GDAP2: variants seen among roughly 807,000 people sequenced by gnomAD.
GDAP2 encodes the protein ganglioside induced differentiation associated protein 2, also known as ganglioside-induced differentiation-associated protein 2.
GDAP2 carries 51 observed loss-of-function variants against 67.0 expected under a neutral mutation model. The observed-to-expected ratio is 0.76, with a 90% CI of 0.61 to 0.96. The LOEUF is 0.96. Among genes scored for constraint, GDAP2 ranks in the 40% least tolerant of loss-of-function variants. The pLI, the probability that GDAP2 is intolerant of heterozygous loss-of-function variation, is 0.00. For synonymous variants in GDAP2, 203 were observed against 207.3 expected, an observed-to-expected ratio of 0.98 and a Z score of 0.18; for missense variants, 547 against 588.3, an observed-to-expected ratio of 0.93 and a Z score of 0.73.
At chr1:117,907,788 C>A (rs1191367764) in intron 5 of GDAP2, among the ~76,000 whole-genome samples, 1 of 152,176 alleles carries the variant, frequency 6.6e-6, no homozygotes, top group Admixed American at 6.6e-5. Context: ...TACATACTCA[C>A]TGTTGCCTGA....
chr1:117,908,314 T>A (rs1056149485), intron 5 of GDAP2, among the ~76,000 whole-genome samples: 3 of 152,118 alleles, frequency 2.0e-5, no homozygotes, highest in Admixed American at 6.6e-5. Flanking sequence ...TGATATGCAA[T>A]CATTCAAAAG....
chr1:117,910,300 G>A (rs1276352906), intron 5 of GDAP2, among the ~76,000 whole-genome samples: 1 of 152,074 alleles, frequency 6.6e-6, no homozygotes. Context: ...ACACAGGGTT[G>A]TTAAGTAAAG....
intron 1 of GDAP2, among the ~76,000 whole-genome samples, chr1:117,928,421 T>C (rs1364011166): frequency 6.6e-6 from 1 of 152,188 alleles, no homozygotes; most frequent in African/African-American, 2.4e-5. Context: ...CTTCTCCCCA[T>C]AATAATATAA....
At chr1:117,901,334 C>T (rs764144349) in intron 6 of GDAP2, among the ~76,000 whole-genome samples, 1 of 152,162 alleles carries the variant, frequency 6.6e-6, no homozygotes, top group Non-Finnish European at 1.5e-5. Context: ...TATTTGTGTA[C>T]AAGTTTTTGT....
chr1:117,918,479 T>A, intron 3 of GDAP2, 118 bp downstream of exon 3: 1 of 699,536 alleles, frequency 1.4e-6, no homozygotes, highest in East Asian at 2.7e-5. Context: ...TATTTAGTTT[T>A]AACAAAAGAA....
Position 117,920,227 on chromosome 1 carries a change from G to T in GDAP2, c.131C>A (p.Ser44Ter). 6.2e-7 allele frequency: 1 copy of T among 1,608,504 alleles called. No individual in the cohort carries two copies. The highest frequency in any genetic ancestry group is 1.1e-5 in the South Asian group (1 of 90,430). Reference protein sequence around the residue: ...AEIFQEDTVRSPFLYNKDVNG... With the variant: ...AEIFQEDTVR Reference sequence around the variant, plus strand: ...GACGTCCTTATTATAAAGAAAAGGTGATCGAACAGTGTCTTCCTGAAATAT... The same window carrying T: ...GACGTCCTTATTATAAAGAAAAGGTTATCGAACAGTGTCTTCCTGAAATAT... The change falls in exon 2 of 14, where the codon TCA becomes TAA. Residue 44 changes from serine (S) to a stop codon, truncating the protein, a stop_gained. Transcript: ENST00000369443. LOFTEE classifies it high-confidence loss of function.
rs1648212941 is a variant in GDAP2, at chr1:117,870,334, T to TGAAC, written c.*231_*234dup. 1 of 508,988 alleles carries TGAAC rather than the reference T, an allele frequency of 2.0e-6. No homozygotes were observed. Among genetic ancestry groups the TGAAC allele is most frequent in the Non-Finnish European group, 3.4e-6 (1 of 290,194 alleles). The allele number at this position is 508,988 out of a possible 1,614,324, so 31.5% of individuals were successfully genotyped here. A position where few individuals can be genotyped will look rare whatever the true frequency, so the allele number is the denominator to read the frequency against. On this transcript the variant is annotated 3_prime_UTR_variant, in exon 14 of 14. Coordinates refer to ENST00000369443, the MANE Select transcript of GDAP2 (RefSeq NM_017686.4). ...CCAATTTCTATTAACAATCTAAAAATGAACATTTCCATTTCATATAAATAT... is the reference window on the plus strand; with the variant it reads ...CCAATTTCTATTAACAATCTAAAAATGAACGAACATTTCCATTTCATATAAATAT...
chr1:117,928,159 G>T (rs886814121), intron 1 of GDAP2, among the ~76,000 whole-genome samples: 1 of 152,032 alleles, frequency 6.6e-6, no homozygotes, highest in Non-Finnish European at 1.5e-5. Context: ...AACTCAAAAT[G>T]GAACCAGGCA....
chr1:117,870,243 T>TCGG lies in GDAP2; in HGVS notation c.*325_*326insCCG. The stretch of plus-strand genomic sequence containing the variant: ...TGTTAGAGAGATGATGTGAACAGTC[T>TCGG]TGGTGGTTTATCTAATGGAGAATTC... On this transcript the variant is annotated 3_prime_UTR_variant, in exon 14 of 14. Transcript: ENST00000369443. 1 of 356,600 alleles carries TCGG rather than the reference T, an allele frequency of 2.8e-6. No homozygotes were observed. The highest frequency in any genetic ancestry group is 3.1e-5 in the South Asian group (1 of 32,606). 22.1% of individuals were successfully genotyped at this position (356,600 alleles called of 1,614,324 possible). A position where few individuals can be genotyped will look rare whatever the true frequency, so the allele number is the denominator to read the frequency against.
At chr1:117,883,756 G>T in intron 10 of GDAP2, 129 bp from the exon 11 acceptor site, 1 of 579,528 alleles carries the variant, frequency 1.7e-6, no homozygotes, top group Non-Finnish European at 3.0e-6. Context: ...ATCATAAATG[G>T]ATAACTCAGA....
At chr1:117,873,748 T>A (rs953560699) in intron 13 of GDAP2, among the ~76,000 whole-genome samples, 1 of 152,014 alleles carries the variant, frequency 6.6e-6, no homozygotes, top group Non-Finnish European at 1.5e-5. Context: ...ATCCACCAAG[T>A]CTCCCAAAGC....
intron 1 of GDAP2, among the ~76,000 whole-genome samples, chr1:117,921,965 C>T (rs1650267485): frequency 6.6e-6 from 1 of 152,008 alleles, no homozygotes; most frequent in African/African-American, 2.4e-5. Flanking sequence ...TACTTGCTTA[C>T]ACAATTGAGT....
At chr1:117,919,717 G>GT (rs767637904) in intron 2 of GDAP2, among the ~76,000 whole-genome samples, 5 of 152,188 alleles carry the variant, frequency 3.3e-5, no homozygotes, top group Non-Finnish European at 7.3e-5. Flanking sequence ...CAGTAAAGCA[G>GT]TTTTTTAAAG....
At chr1:117,887,948 T>C (rs948314337) in intron 8 of GDAP2, among the ~76,000 whole-genome samples, 174 bp from the exon 9 acceptor site, 38 of 152,148 alleles carry the variant, frequency 2.5e-4, no homozygotes, top group African/African-American at 8.4e-4. Flanking sequence ...CTACATGTTA[T>C]TGATAAAATA....
chr1:117,877,824 T>G, intron 13 of GDAP2, 185 bp downstream of exon 13: 1 of 1,265,156 alleles, frequency 7.9e-7, no homozygotes, highest in Non-Finnish European at 1.0e-6. Flanking sequence ...AATGCCTCTC[T>G]TGGGACAAAT....
rs1313983955 is a variant in GDAP2, at chr1:117,870,297, A to C, written c.*272T>G. 2 of 448,650 alleles carry C rather than the reference A, an allele frequency of 4.5e-6. No individual in the cohort carries two copies. The highest frequency in any genetic ancestry group is 7.9e-6 in the Non-Finnish European group (2 of 253,070). The allele number at this position is 448,650 out of a possible 1,614,324, so 27.8% of individuals were successfully genotyped here. A position where few individuals can be genotyped will look rare whatever the true frequency, so the allele number is the denominator to read the frequency against. On this transcript the variant is annotated 3_prime_UTR_variant, in exon 14 of 14. Transcript: ENST00000369443. ...GTCCTTCAGGAAACTAAAGATACTC[A>C]AAAGTTGCTCCCCAATTTCTATTAA...
intron 3 of GDAP2, among the ~76,000 whole-genome samples, chr1:117,917,855 T>A (rs1225809505): frequency 6.6e-6 from 1 of 152,246 alleles, no homozygotes; most frequent in Non-Finnish European, 1.5e-5. Context: ...ATCTTCAATA[T>A]CCTTTCTAGT....
intron 9 of GDAP2, among the ~76,000 whole-genome samples, chr1:117,887,089 T>C (rs970431326): frequency 6.6e-6 from 1 of 151,880 alleles, no homozygotes; most frequent in African/African-American, 2.4e-5. Context: ...CCACCACACC[T>C]GGCTAATTTT....
rs58477948 is a variant in GDAP2, at chr1:117,900,514, T to G, written c.637-1298A>C. ...CAGGCACAGTGGCTCATGCCTGTAA[T>G]CACAGCATTCTAGGAGGCTGAGGTG... On this transcript the variant is annotated intron_variant, in intron 6 of 13. Coordinates refer to ENST00000369443, the MANE Select transcript of GDAP2 (RefSeq NM_017686.4). Among the ~76,000 whole-genome samples, 44 of 152,288 alleles carry G rather than the reference T, an allele frequency of 2.9e-4. No homozygotes were observed. The East Asian group carries it at 8.5e-3, about 29-fold the overall frequency.
Sources: allele counts gnomAD v4.1 joint callset (sites outside exome capture counted in the v4.1 genomes callset), GRCh38; gene constraint gnomAD v4.1.1; transcripts MANE v1.5; gene names NCBI Gene and HGNC (gene_info 2026-07-23, HGNC 2026-07-21).